Variants in GRIK1 observed in about 807,000 individuals in gnomAD.
GRIK1 encodes the protein glutamate ionotropic receptor kainate type subunit 1.
In GRIK1, 69 loss-of-function variants were observed where a neutral mutation model predicts 105.7. That is an observed-to-expected ratio of 0.65 (90% CI 0.54 to 0.80). The LOEUF (loss-of-function observed/expected upper bound fraction) is 0.80, where lower values mean the gene tolerates loss of function less well. Among genes scored for constraint, GRIK1 ranks in the 30% least tolerant of loss-of-function variants. The pLI is 0.00. For missense variants in GRIK1, 1,109 were observed against 1,167.3 expected (o/e 0.95, Z 0.73); for synonymous variants, 438 against 431.3 (o/e 1.02, Z -0.19).
chr21:29,893,357 A>G (rs571477892), intron 1 of GRIK1, among the ~76,000 whole-genome samples: 10 of 152,290 alleles, frequency 6.6e-5, no homozygotes, highest in African/African-American at 2.4e-4. Flanking sequence ...CTATGAATAA[A>G]ACATTCTTTT....
At chr21:29,902,801 C>G (rs996924699) in intron 1 of GRIK1, among the ~76,000 whole-genome samples, 6 of 152,002 alleles carry the variant, frequency 3.9e-5, no homozygotes, top group Admixed American at 6.6e-5. Flanking sequence ...CATATGGAAC[C>G]AAAAAAGGGC....
intron 1 of GRIK1, among the ~76,000 whole-genome samples, chr21:29,877,060 C>T (rs2069217196): frequency 1.3e-5 from 2 of 152,212 alleles, no homozygotes; most frequent in South Asian, 2.1e-4. Context: ...TAAAAGTTTG[C>T]TAAAATATTT....
chr21:29,582,421 G>A (rs545660826), intron 12 of GRIK1: 10 of 407,146 alleles, frequency 2.5e-5, no homozygotes, highest in Non-Finnish European at 5.0e-5. Context: ...GGCAGTAAAC[G>A]TTTCTGGAAA....
At position 29,939,466 on chromosome 21, in the gene GRIK1, A is replaced by G; in HGVS notation, c.35T>C (p.Leu12Pro). The stretch of plus-strand genomic sequence containing the variant: ...TGCCCAGCTGGTGTCCCTGGTCCAG[A>G]GCCCGGGCTGGGCGAGGAGTGTGCC... The part of the protein sequence containing the change: ...EHGTLLAQPG[L>P]WTRDTSWALL... Residue 12 changes from leucine (L) to proline (P), a missense_variant, in exon 1 of 18, where the codon CTC becomes CCC. Leu to Pro is a moderately conservative substitution (Grantham distance 98). Around this residue, in one of 5 missense-constraint regions of GRIK1, gnomAD observed 612 missense variants for 586.0 expected, o/e 1.04. Transcript: ENST00000327783. The G allele has an allele frequency of 6.2e-7, 1 of 1,600,176 alleles. No individual in the cohort carries two copies. The highest frequency in any genetic ancestry group is 1.4e-5 in the African/African-American group (1 of 73,982).
At chr21:29,824,108 T>C (rs2067380566) in intron 1 of GRIK1, among the ~76,000 whole-genome samples, 1 of 151,952 alleles carries the variant, frequency 6.6e-6, no homozygotes, top group African/African-American at 2.4e-5. Context: ...TGGTGAGACG[T>C]GGTCTGATGC....
At chr21:29,598,232 A>G (rs541411628) in intron 8 of GRIK1, among the ~76,000 whole-genome samples, 1 of 152,250 alleles carries the variant, frequency 6.6e-6, no homozygotes, top group Non-Finnish European at 1.5e-5. Flanking sequence ...CTAAATAATA[A>G]CTAAAGTAGA....
At position 29,748,618 on chromosome 21, in the gene GRIK1, G is replaced by A. The variant is rs143797802; in HGVS notation, c.119-54555C>T. Reference sequence around the variant, plus strand: ...AGAATAGTATAAGCATTTGTAATCCGTACTGAAATAATCCATCTGGCATAA... The same window carrying A: ...AGAATAGTATAAGCATTTGTAATCCATACTGAAATAATCCATCTGGCATAA... On this transcript the variant is annotated intron_variant, in intron 1 of 17. Transcript: ENST00000327783. Among the ~76,000 whole-genome samples, 366 of 152,272 alleles carry A rather than the reference G, an allele frequency of 2.4e-3. 2 individuals carry two copies. The highest frequency in any genetic ancestry group is 8.4e-3 in the African/African-American group (347 of 41,552).
chr21:29,842,267 A>T (rs1032478494), intron 1 of GRIK1, among the ~76,000 whole-genome samples: 4 of 152,106 alleles, frequency 2.6e-5, no homozygotes, highest in African/African-American at 9.7e-5. Context: ...AATACAGTTC[A>T]TCTCCCCGTT....
chr21:29,610,770 C>G (rs1162997601), intron 7 of GRIK1, among the ~76,000 whole-genome samples: 2 of 151,780 alleles, frequency 1.3e-5, no homozygotes, highest in Non-Finnish European at 2.9e-5. Flanking sequence ...AACTCAAACA[C>G]CTTGGAATAA....
intron 1 of GRIK1, among the ~76,000 whole-genome samples, chr21:29,869,729 A>T (rs571628349): frequency 6.6e-6 from 1 of 152,214 alleles, no homozygotes; most frequent in Non-Finnish European, 1.5e-5. Context: ...ATACATGTAC[A>T]TCTTTTTCTG....
intron 1 of GRIK1, among the ~76,000 whole-genome samples, chr21:29,880,582 A>C (rs956221884): frequency 6.6e-6 from 1 of 152,156 alleles, no homozygotes; most frequent in Non-Finnish European, 1.5e-5. Flanking sequence ...CTAAAGCCCA[A>C]GTTTATTTCT....
chr21:29,866,525 G>A (rs1336119506), intron 1 of GRIK1, among the ~76,000 whole-genome samples: 1 of 152,014 alleles, frequency 6.6e-6, no homozygotes, highest in Non-Finnish European at 1.5e-5. Flanking sequence ...TTTTCACAAT[G>A]AGCATTATTT....
chr21:29,627,268 T>C (rs2062152967), intron 7 of GRIK1, among the ~76,000 whole-genome samples: 1 of 152,250 alleles, frequency 6.6e-6, no homozygotes, highest in African/African-American at 2.4e-5. Flanking sequence ...GAAAGTATTT[T>C]ACTTACGTTT....
intron 1 of GRIK1, among the ~76,000 whole-genome samples, chr21:29,759,722 A>T (rs1321806824): frequency 6.6e-6 from 1 of 152,208 alleles, no homozygotes; most frequent in Non-Finnish European, 1.5e-5. Flanking sequence ...GTTTAATTTT[A>T]GGTAGAATGC....
intron 1 of GRIK1, among the ~76,000 whole-genome samples, chr21:29,884,412 G>T (rs1169893918): frequency 1.3e-5 from 2 of 152,120 alleles, no homozygotes; most frequent in Non-Finnish European, 1.5e-5. Flanking sequence ...AGAACAGGTT[G>T]GTTGTATTTT....
chr21:29,788,303 G>A (rs963088257), intron 1 of GRIK1, among the ~76,000 whole-genome samples: 1 of 152,182 alleles, frequency 6.6e-6, no homozygotes, highest in Non-Finnish European at 1.5e-5. Flanking sequence ...CGGGCATTGC[G>A]AAAAGACATT....
chr21:29,634,041 G>T (rs927287625), intron 7 of GRIK1, among the ~76,000 whole-genome samples: 6 of 152,166 alleles, frequency 3.9e-5, no homozygotes, highest in East Asian at 3.9e-4. Flanking sequence ...CAGAGCTTAC[G>T]TTTCACCAGG....
chr21:29,853,635 C>T (rs1466382465), intron 1 of GRIK1, among the ~76,000 whole-genome samples: 3 of 152,184 alleles, frequency 2.0e-5, no homozygotes, highest in African/African-American at 7.2e-5. Context: ...TAGTCAACTG[C>T]ATATGACTCA....
At chr21:29,559,540 C>T (rs182404640) in intron 15 of GRIK1, among the ~76,000 whole-genome samples, 1 of 152,096 alleles carries the variant, frequency 6.6e-6, no homozygotes, top group East Asian at 1.9e-4. Context: ...ATCTTCTAGC[C>T]CAATCATTCT....
Sources: gnomAD v4.1 joint callset for allele counts (sites outside exome capture counted in the v4.1 genomes callset) on GRCh38, gnomAD v4.1.1 for gene constraint, gnomAD v4.1.1 regional missense constraint, MANE v1.5 for transcripts, NCBI Gene and HGNC (gene_info 2026-07-23, HGNC 2026-07-21) for gene names.